The following TRIT1 variants were observed in gnomAD, a reference collection of about 807,000 sequenced individuals.
TRIT1 encodes tRNA dimethylallyltransferase.
Under a neutral mutation model 51.2 loss-of-function variants are expected in TRIT1, and 43 were observed. The observed-to-expected ratio is 0.84, with a 90% CI of 0.66 to 1.08. TRIT1 has a LOEUF of 1.08. TRIT1 is among the 50% of genes least tolerant of loss of function. The pLI, the probability that TRIT1 is intolerant of heterozygous loss-of-function variation, is 0.00. For synonymous variants in TRIT1, 184 were observed against 203.9 expected (o/e 0.90, Z 0.83); for missense variants, 528 against 578.4 (o/e 0.91, Z 0.89).
intron 2 of TRIT1, among the ~76,000 whole-genome samples, chr1:39,856,102 C>T (rs1250576018): frequency 2.6e-5 from 4 of 152,146 alleles, no homozygotes; most frequent in East Asian, 1.9e-4. Context: ...GTCAGGAGTT[C>T]GAGACCAGCC....
intron 2 of TRIT1, among the ~76,000 whole-genome samples, chr1:39,855,151 C>T (rs570480507): frequency 5.1e-4 from 77 of 152,242 alleles, no homozygotes; most frequent in Middle Eastern, 6.8e-3. Context: ...CGTGCCTGGC[C>T]GAAAATAACT....
intron 1 of TRIT1, among the ~76,000 whole-genome samples, chr1:39,880,780 C>CA (rs1264693652): frequency 6.7e-6 from 1 of 148,772 alleles, no homozygotes; most frequent in African/African-American, 2.5e-5. Flanking sequence ...GCCTGGGCGA[C>CA]AGAGCAAGAC....
intron 1 of TRIT1, among the ~76,000 whole-genome samples, chr1:39,868,644 C>CAAA (rs60152365): frequency 7.8e-5 from 7 of 89,826 alleles, no homozygotes; most frequent in Admixed American, 4.5e-4. Context: ...AACTTCCTCT[C>CAAA]AAAAAAAAAA....
chr1:39,863,848 G>A (rs996236832), intron 1 of TRIT1, among the ~76,000 whole-genome samples: 1 of 151,714 alleles, frequency 6.6e-6, no homozygotes, highest in Non-Finnish European at 1.5e-5. Context: ...CCATAACAGA[G>A]AACTAGAAGA....
chr1:39,867,948 C>CTT (rs35131569), intron 1 of TRIT1, among the ~76,000 whole-genome samples: 2 of 145,090 alleles, frequency 1.4e-5, no homozygotes. Flanking sequence ...CTTCAAGATT[C>CTT]TTTTTTTTTT....
At chr1:39,843,029 G>A (rs920350266) in intron 10 of TRIT1, among the ~76,000 whole-genome samples, 4 of 152,148 alleles carry the variant, frequency 2.6e-5, no homozygotes, top group African/African-American at 9.6e-5. Context: ...TCAACAAATC[G>A]AACCACTAAG....
Position 39,840,359 on chromosome 1 carries a change from G to A in TRIT1, c.*1385C>T, listed in dbSNP as rs1236923391. ...TTTTTTACTCTACCTTCTCCTCTAT[G>A]AAGTCTTATATGCATAGGAAACAAA... is the stretch of plus-strand genomic sequence containing the variant. On this transcript the variant is annotated 3_prime_UTR_variant, in exon 11 of 11. Coordinates refer to ENST00000316891, the MANE Select transcript of TRIT1 (RefSeq NM_017646.6). Among the ~76,000 whole-genome samples the A allele has an allele frequency of 3.9e-5, 6 of 152,180 alleles. No homozygotes were observed. The highest frequency in any genetic ancestry group is 7.3e-5 in the Non-Finnish European group (5 of 68,040).
At chr1:39,873,258 A>C (rs2124675061) in intron 1 of TRIT1, among the ~76,000 whole-genome samples, 1 of 152,370 alleles carries the variant, frequency 6.6e-6, no homozygotes, top group African/African-American at 2.4e-5. Flanking sequence ...CATCACCAGT[A>C]ATAAGCCATG....
intron 1 of TRIT1, among the ~76,000 whole-genome samples, chr1:39,877,759 A>G (rs1644120858): frequency 6.6e-6 from 1 of 152,172 alleles, no homozygotes; most frequent in African/African-American, 2.4e-5. Flanking sequence ...TTCCTGAAAT[A>G]CATCAGACTC....
chr1:39,868,651 A>G (rs936707555), intron 1 of TRIT1, among the ~76,000 whole-genome samples: 3 of 151,776 alleles, frequency 2.0e-5, no homozygotes, highest in Non-Finnish European at 2.9e-5. Context: ...TCTCAAAAAA[A>G]AAAAAAAAAA....
intron 1 of TRIT1, among the ~76,000 whole-genome samples, chr1:39,859,249 C>T (rs1483956072): frequency 4.9e-5 from 5 of 101,762 alleles, no homozygotes; most frequent in Admixed American, 1.4e-4. Flanking sequence ...GAGTGAGACT[C>T]GACTCCGTCT....
intron 1 of TRIT1, among the ~76,000 whole-genome samples, chr1:39,866,293 C>T (rs1643552674): frequency 6.6e-6 from 1 of 152,164 alleles, no homozygotes; most frequent in South Asian, 2.1e-4. Flanking sequence ...CTATCTGAGC[C>T]TCCCAAGTAG....
At chr1:39,844,676 C>A (rs370712379) in intron 8 of TRIT1, 36 bp from the exon 9 acceptor site, 14 of 1,475,692 alleles carry the variant, frequency 9.5e-6, no homozygotes, top group African/African-American at 4.1e-5. Flanking sequence ...AGAGGTCAGC[C>A]TCAAACCCAA....
Position 39,851,945 on chromosome 1 carries a change from T to C in TRIT1, c.560+786A>G, listed in dbSNP as rs542764258. Among the ~76,000 whole-genome samples, 69 of 142,492 alleles carry C rather than the reference T, an allele frequency of 4.8e-4. 1 individual carries two copies. The highest frequency in any genetic ancestry group is 8.9e-4 in the Non-Finnish European group (59 of 66,414). 93.5% of individuals were successfully genotyped at this position (142,492 alleles called of 152,430 possible). A position where few individuals can be genotyped will look rare whatever the true frequency, so the allele number is the denominator to read the frequency against. On this transcript the variant is annotated intron_variant, in intron 4 of 10. Coordinates refer to ENST00000316891, the MANE Select transcript of TRIT1 (RefSeq NM_017646.6). ...CTGGGCAACAAAGTAAGACTCTATC[T>C]CTTAAAAAAAAAAAAAAAAAGTAAT...
In TRIT1 at chr1:39,838,361, C is replaced by A. The variant is rs1358940892; in HGVS notation, c.*3383G>T. Among the ~76,000 whole-genome samples the A allele has an allele frequency of 1.3e-5, 2 of 152,124 alleles. No homozygotes were observed. The highest frequency in any genetic ancestry group is 2.9e-5 in the Non-Finnish European group (2 of 68,030). On this transcript the variant is annotated 3_prime_UTR_variant, in exon 11 of 11. Coordinates refer to ENST00000316891, the MANE Select transcript of TRIT1 (RefSeq NM_017646.6). ...CCTACTTAGTTTTTATGCTTTCATG[C>A]AATTGATTCAACAAATATTTGACTG...
intron 2 of TRIT1, 108 bp from the exon 3 acceptor site, chr1:39,854,176 G>A (rs550115540): frequency 2.5e-6 from 2 of 785,460 alleles, no homozygotes; most frequent in Admixed American, 2.9e-5. Flanking sequence ...GAGGAGAAAG[G>A]GTGGGAACCA....
rs568301138 is a variant in TRIT1, at chr1:39,864,315, T to C, written c.175-6898A>G. On this transcript the variant is annotated intron_variant, in intron 1 of 10. Transcript: ENST00000316891. Reference sequence around the variant, plus strand: ...AGCCTTCAGCCCCAAACACAAAGAATTATCCATCCCCAGGCCAGGCGCGGT... The same window carrying C: ...AGCCTTCAGCCCCAAACACAAAGAACTATCCATCCCCAGGCCAGGCGCGGT... Among the ~76,000 whole-genome samples the C allele has an allele frequency of 5.9e-5, 9 of 151,822 alleles. No individual in the cohort carries two copies. In the South Asian group the frequency reaches 1.9e-3, roughly 32 times the overall value.
At chr1:39,852,443 T>C (rs1642635900) in intron 4 of TRIT1, 3 of 314,042 alleles carry the variant, frequency 9.6e-6, no homozygotes, top group Non-Finnish European at 1.7e-5. Flanking sequence ...ATATGAAAAC[T>C]GTTATACAAG....
At chr1:39,857,197 T>A in intron 2 of TRIT1, 80 bp downstream of exon 2, 1 of 1,488,608 alleles carries the variant, frequency 6.7e-7, no homozygotes. Context: ...GAGAAGAAAT[T>A]GCCACTAGAA....
Sources: allele counts gnomAD v4.1 joint callset (sites outside exome capture counted in the v4.1 genomes callset), GRCh38; gene constraint gnomAD v4.1.1; transcripts MANE v1.5; gene names NCBI Gene and HGNC (gene_info 2026-07-23, HGNC 2026-07-21).